The following DNTT variants were observed in gnomAD, a reference collection of about 807,000 sequenced individuals.
The protein encoded by DNTT is nucleosidetriphosphate:DNA deoxynucleotidylexotransferase.
In DNTT, 47 loss-of-function variants were observed where a neutral mutation model predicts 60.9. The ratio of observed to expected loss-of-function variants is 0.77; its 90% CI spans 0.61 to 0.98. The LOEUF (loss-of-function observed/expected upper bound fraction) is 0.98, where lower values mean the gene tolerates loss of function less well. DNTT is among the 50% of genes least tolerant of loss of function. The pLI is 0.00. For missense variants in DNTT, 665 were observed against 627.5 expected (o/e 1.06, Z -0.64); for synonymous variants, 224 against 221.2 (o/e 1.01, Z -0.11).
At chr10:96,310,925 T>C (rs1844707753) in intron 1 of DNTT, among the ~76,000 whole-genome samples, 1 of 152,218 alleles carries the variant, frequency 6.6e-6, no homozygotes, top group African/African-American at 2.4e-5. Context: ...AGCATGAGCA[T>C]GAGATATAAG....
chr10:96,334,019 G>T (rs908388979), intron 9 of DNTT, among the ~76,000 whole-genome samples: 1 of 152,158 alleles, frequency 6.6e-6, no homozygotes, highest in African/African-American at 2.4e-5. Flanking sequence ...TGATGGACAT[G>T]CTAATTAGTC....
intron 1 of DNTT, among the ~76,000 whole-genome samples, chr10:96,309,570 C>T (rs979798285): frequency 1.3e-5 from 2 of 152,066 alleles, no homozygotes; most frequent in Non-Finnish European, 2.9e-5. Flanking sequence ...CCTTTCCATT[C>T]AGTCATTATA....
chr10:96,328,744 G>A lies in DNTT; in HGVS notation c.1027G>A (p.Asp343Asn), dbSNP rs754194033. 5 of 1,613,704 alleles carry A rather than the reference G, an allele frequency of 3.1e-6. No individual in the cohort carries two copies. Among genetic ancestry groups the A allele is most frequent in the East Asian group, 4.5e-5 (2 of 44,862 alleles). Reference protein sequence around the residue: ...GFRRGKKMGHDVDFLITSPGS... With the variant: ...GFRRGKKMGHNVDFLITSPGS... ...AATTAGGGGTAAGAAGATGGGGCAT[G>A]ATGTAGATTTTTTAATTACCAGCCC... The change falls in exon 8 of 11, where the codon GAT becomes AAT. Residue 343 changes from aspartate to asparagine, a missense_variant. Asp to Asn is a conservative substitution (Grantham distance 23). Coordinates refer to ENST00000371174, the MANE Select transcript of DNTT (RefSeq NM_004088.4).
chr10:96,330,597 G>C (rs1256286776), intron 8 of DNTT, among the ~76,000 whole-genome samples: 1 of 152,096 alleles, frequency 6.6e-6, no homozygotes, highest in Non-Finnish European at 1.5e-5. Context: ...TCTTCAAGGC[G>C]TTGAAGGGTG....
At chr10:96,322,533 T>C in intron 4 of DNTT, 124 bp from the exon 5 acceptor site, 1 of 578,486 alleles carries the variant, frequency 1.7e-6, no homozygotes, top group East Asian at 3.0e-5. Context: ...ATTAGGGAAA[T>C]ACCCCTGCAT....
intron 1 of DNTT, among the ~76,000 whole-genome samples, chr10:96,316,904 A>G (rs1392156114): frequency 2.6e-5 from 4 of 152,132 alleles, no homozygotes; most frequent in South Asian, 2.1e-4. Flanking sequence ...CACCGCCACC[A>G]CTATCACAAG....
At chr10:96,323,256 G>A (rs1369808706) in intron 5 of DNTT, among the ~76,000 whole-genome samples, 2 of 152,050 alleles carry the variant, frequency 1.3e-5, no homozygotes, top group Non-Finnish European at 2.9e-5. Flanking sequence ...CTGAGATCAT[G>A]CCACTGTACT....
At chr10:96,319,172 A>G in intron 2 of DNTT, 90 bp from the exon 3 acceptor site, 1 of 1,450,768 alleles carries the variant, frequency 6.9e-7, no homozygotes, top group Non-Finnish European at 9.3e-7. Flanking sequence ...TTATCCTCCA[A>G]CTACAGACAA....
chr10:96,336,719 G>T (rs1439567250), intron 10 of DNTT, among the ~76,000 whole-genome samples: 1 of 152,062 alleles, frequency 6.6e-6, no homozygotes, highest in African/African-American at 2.4e-5. Context: ...GGCCGAGGCG[G>T]GTGGATCACT....
At chr10:96,327,967 C>T (rs767628242) in intron 7 of DNTT, among the ~76,000 whole-genome samples, 21 of 152,198 alleles carry the variant, frequency 1.4e-4, no homozygotes, top group Non-Finnish European at 2.2e-4. Flanking sequence ...CTTCCATGCT[C>T]CCTGAGTACC....
chr10:96,338,084 C>T (rs1845094240), intron 10 of DNTT, 54 bp from the exon 11 acceptor site: 1 of 1,517,924 alleles, frequency 6.6e-7, no homozygotes, highest in South Asian at 1.2e-5. Context: ...TGTGTCCACA[C>T]CATGGTGCTT....
chr10:96,312,525 G>A (rs1044559056), intron 1 of DNTT, among the ~76,000 whole-genome samples: 10 of 152,140 alleles, frequency 6.6e-5, no homozygotes, highest in Non-Finnish European at 1.5e-4. Context: ...CCTCACCAAG[G>A]TGGCAGAATG....
Position 96,328,727 on chromosome 10 carries a change from G to T in DNTT, c.1010G>T (p.Gly337Val). The change falls in exon 8 of 11, where the codon GGT (glycine) becomes GTT (valine). Residue 337 changes from glycine (G) to valine (V), a missense_variant and splice_region_variant. Coordinates refer to ENST00000371174, the MANE Select transcript of DNTT (RefSeq NM_004088.4). ...FVTMTGGFRR[G>V]KKMGHDVDFL... ...TTTATACTGCTTTTGAAAATTAGGG[G>T]TAAGAAGATGGGGCATGATGTAGAT... The T allele has an allele frequency of 6.2e-7, 1 of 1,611,222 alleles. No homozygotes were observed. Among genetic ancestry groups the T allele is most frequent in the South Asian group, 1.1e-5 (1 of 89,962 alleles).
At chr10:96,327,984 G>A (rs1208290970) in intron 7 of DNTT, among the ~76,000 whole-genome samples, 1 of 152,136 alleles carries the variant, frequency 6.6e-6, no homozygotes, top group Non-Finnish European at 1.5e-5. Flanking sequence ...TACCTGCAAA[G>A]CCCTTGATCC....
intron 10 of DNTT, among the ~76,000 whole-genome samples, chr10:96,336,933 G>A (rs1199221036): frequency 1.1e-5 from 1 of 89,242 alleles, no homozygotes; most frequent in Non-Finnish European, 2.1e-5. Flanking sequence ...GTGAGACTCT[G>A]TGTCAGGAAA....
At chr10:96,317,054 C>T (rs560244399) in intron 1 of DNTT, among the ~76,000 whole-genome samples, 6 of 152,244 alleles carry the variant, frequency 3.9e-5, no homozygotes, top group Admixed American at 6.5e-5. Context: ...GTTTTCTCTT[C>T]GATGCTTGGG....
At chr10:96,314,402 C>CTTTTTTTTTTTTT (rs869059822) in intron 1 of DNTT, among the ~76,000 whole-genome samples, 1,192 of 53,168 alleles carry the variant, frequency 0.022, 286 homozygotes, top group Non-Finnish European at 0.034. Flanking sequence ...TATCTCTTCC[C>CTTTTTTTTTTTTT]TTTTTTTTTT....
chr10:96,323,278 G>GT (rs1844902104), intron 5 of DNTT, among the ~76,000 whole-genome samples: 1 of 152,098 alleles, frequency 6.6e-6, no homozygotes, highest in Admixed American at 6.6e-5. Context: ...CAGCCTGGGT[G>GT]ATAGAGTGAG....
chr10:96,311,720 T>C (rs1844716537), intron 1 of DNTT, among the ~76,000 whole-genome samples: 1 of 152,262 alleles, frequency 6.6e-6, no homozygotes, highest in Non-Finnish European at 1.5e-5. Context: ...CTCAGCTCAC[T>C]ACAATCTCCA....
Sources: allele counts gnomAD v4.1 joint callset (sites outside exome capture counted in the v4.1 genomes callset), GRCh38; gene constraint gnomAD v4.1.1; transcripts MANE v1.5; gene names NCBI Gene and HGNC (gene_info 2026-07-23, HGNC 2026-07-21).